Variants in PRKCA observed in about 807,000 individuals in gnomAD.
PRKCA encodes protein kinase C alpha.
In PRKCA, 27 loss-of-function variants were observed where a neutral mutation model predicts 87.0. The ratio of observed to expected loss-of-function variants is 0.31; its 90% confidence interval spans 0.23 to 0.43. The LOEUF is 0.43. Ranked by LOEUF, PRKCA falls within the 20% of genes least tolerant of loss-of-function variation. PRKCA has a pLI of 1.00. For missense variants in PRKCA, 518 were observed against 852.3 expected (o/e 0.61, Z 4.88); for synonymous variants, 329 against 311.1 (o/e 1.06, Z -0.61).
At chr17:66,492,752 G>A (rs376423679) in intron 2 of PRKCA, among the ~76,000 whole-genome samples, 35 of 152,324 alleles carry the variant, frequency 2.3e-4, no homozygotes, top group African/African-American at 7.9e-4. Flanking sequence ...TCCGTCCTTC[G>A]AGAGTTTTGC....
intron 3 of PRKCA, among the ~76,000 whole-genome samples, chr17:66,620,215 A>AAGCTGTTT (rs1216719443): frequency 1.3e-5 from 2 of 152,158 alleles, no homozygotes; most frequent in African/African-American, 4.8e-5. Context: ...AAAATCCACA[A>AAGCTGTTT]AGCTGTTTAG....
intron 14 of PRKCA, among the ~76,000 whole-genome samples, chr17:66,779,174 G>A (rs1207515742): frequency 6.6e-6 from 1 of 152,232 alleles, no homozygotes; most frequent in Non-Finnish European, 1.5e-5. Context: ...GTCGTTGACA[G>A]GGTTTTGGTC....
intron 2 of PRKCA, among the ~76,000 whole-genome samples, chr17:66,377,719 A>ATTTTTT (rs1202755202): frequency 5.4e-5 from 2 of 37,166 alleles, no homozygotes; most frequent in Non-Finnish European, 6.7e-5. Context: ...ATATATATAT[A>ATTTTTT]TATTTTTTTT....
chr17:66,563,949 T>TC (rs1382989988), intron 3 of PRKCA, among the ~76,000 whole-genome samples: 14 of 143,652 alleles, frequency 9.7e-5, no homozygotes, highest in African/African-American at 2.4e-4. Flanking sequence ...ACTTGTTTCT[T>TC]CTTTCCTTCC....
intron 13 of PRKCA, among the ~76,000 whole-genome samples, chr17:66,748,162 G>T (rs1320674131): frequency 6.6e-6 from 1 of 152,234 alleles, no homozygotes; most frequent in African/African-American, 2.4e-5. Context: ...GCATACTCCT[G>T]GGAGGACTGG....
rs1003223891 is a variant in PRKCA, at chr17:66,319,089, C to T, written c.205+12962C>T. On this transcript the variant is annotated intron_variant, in intron 2 of 16. Coordinates refer to ENST00000413366, the MANE Select transcript of PRKCA (RefSeq NM_002737.3). Reference sequence around the variant, plus strand: ...GCTGCAGTGAGCCGAGATTGTGCAGCTGCACTTTAGCCTAAGTGACAGAGT... The same window carrying T: ...GCTGCAGTGAGCCGAGATTGTGCAGTTGCACTTTAGCCTAAGTGACAGAGT... Among the ~76,000 whole-genome samples, 7 of 152,232 alleles carry T rather than the reference C, an allele frequency of 4.6e-5. No individual in the cohort carries two copies. The South Asian group carries it at 6.2e-4, about 14-fold the overall frequency.
intron 2 of PRKCA, among the ~76,000 whole-genome samples, chr17:66,320,338 G>A (rs1905579614): frequency 6.6e-6 from 1 of 151,128 alleles, no homozygotes; most frequent in Admixed American, 6.6e-5. Flanking sequence ...ACTCTCAAAT[G>A]CCATTCCCAG....
At chr17:66,625,347 C>T (rs1192687414) in intron 3 of PRKCA, among the ~76,000 whole-genome samples, 1 of 152,146 alleles carries the variant, frequency 6.6e-6, no homozygotes, top group Non-Finnish European at 1.5e-5. Context: ...CACTGTAAAA[C>T]ACAAATTCAT....
At chr17:66,588,225 T>C (rs1408434284) in intron 3 of PRKCA, among the ~76,000 whole-genome samples, 1 of 152,096 alleles carries the variant, frequency 6.6e-6, no homozygotes, top group African/African-American at 2.4e-5. Flanking sequence ...TAAACACCTT[T>C]TCATAGGTTG....
intron 13 of PRKCA, among the ~76,000 whole-genome samples, chr17:66,759,264 G>A (rs909178543): frequency 2.6e-5 from 4 of 151,916 alleles, no homozygotes; most frequent in Admixed American, 2.6e-4. Context: ...GCTGAGGCAG[G>A]AGAATGGCGT....
At chr17:66,651,312 G>T (rs1427183453) in intron 5 of PRKCA, among the ~76,000 whole-genome samples, 1 of 152,198 alleles carries the variant, frequency 6.6e-6, no homozygotes, top group Non-Finnish European at 1.5e-5. Flanking sequence ...CATGCGCACA[G>T]GCTCTGAGTT....
intron 2 of PRKCA, among the ~76,000 whole-genome samples, chr17:66,336,389 G>A (rs534350904): frequency 9.1e-4 from 138 of 152,282 alleles, no homozygotes; most frequent in African/African-American, 3.2e-3. Context: ...CTGTAAGGAC[G>A]TGATGTTTAA....
intron 8 of PRKCA, among the ~76,000 whole-genome samples, chr17:66,706,043 C>CA (rs2144109594): frequency 6.6e-6 from 1 of 152,244 alleles, no homozygotes; most frequent in East Asian, 1.9e-4. Flanking sequence ...CTTGCACCTC[C>CA]AAGTATGGGA....
intron 14 of PRKCA, among the ~76,000 whole-genome samples, chr17:66,778,541 C>T (rs766629866): frequency 1.3e-4 from 19 of 151,880 alleles, no homozygotes; most frequent in Admixed American, 9.8e-4. Context: ...AAAAAGAAAA[C>T]GGTGATATTC....
chr17:66,691,823 G>C (rs184895517), intron 8 of PRKCA, among the ~76,000 whole-genome samples: 2 of 152,348 alleles, frequency 1.3e-5, no homozygotes, highest in East Asian at 3.9e-4. Context: ...TCCCCACAGG[G>C]TTCCTCACAG....
chr17:66,442,597 G>A (rs938151795), intron 2 of PRKCA, among the ~76,000 whole-genome samples: 12 of 152,072 alleles, frequency 7.9e-5, no homozygotes, highest in Non-Finnish European at 1.3e-4. Context: ...GTCTCCAGCC[G>A]CCTCTCCTCA....
At chr17:66,345,301 A>C (rs1472156778) in intron 2 of PRKCA, among the ~76,000 whole-genome samples, 2 of 152,164 alleles carry the variant, frequency 1.3e-5, no homozygotes, top group Admixed American at 1.3e-4. Flanking sequence ...TTGTGATTGA[A>C]TTAGAAAACC....
chr17:66,402,212 A>G (rs978526409), intron 2 of PRKCA, among the ~76,000 whole-genome samples: 3 of 152,186 alleles, frequency 2.0e-5, no homozygotes, highest in Non-Finnish European at 4.4e-5. Context: ...GTGTCAAGAT[A>G]CAAAGACTGA....
chr17:66,357,575 C>G (rs752004266), intron 2 of PRKCA, among the ~76,000 whole-genome samples: 1 of 152,188 alleles, frequency 6.6e-6, no homozygotes, highest in Non-Finnish European at 1.5e-5. Flanking sequence ...GGGTTGAATA[C>G]TGGCGCTACT....
Sources: allele counts gnomAD v4.1 joint callset (sites outside exome capture counted in the v4.1 genomes callset), GRCh38; gene constraint gnomAD v4.1.1; transcripts MANE v1.5; gene names NCBI Gene and HGNC (gene_info 2026-07-23, HGNC 2026-07-21).